MTHFD1L: variants seen among roughly 807,000 people sequenced by gnomAD.
MTHFD1L encodes monofunctional C1-tetrahydrofolate synthase, mitochondrial.
In MTHFD1L, 81 loss-of-function variants were observed where a neutral mutation model predicts 119.5. The observed-to-expected ratio is 0.68, with a 90% CI of 0.57 to 0.82. The LOEUF (loss-of-function observed/expected upper bound fraction) is 0.82. MTHFD1L is among the 40% of genes least tolerant of loss of function. MTHFD1L has a pLI of 0.00. For missense variants in MTHFD1L, 1,125 were observed against 1,253.4 expected, an observed-to-expected ratio of 0.90 and a Z score of 1.55; for synonymous variants, 430 against 475.2, an observed-to-expected ratio of 0.90 and a Z score of 1.24.
chr6:151,062,614 A>G lies in MTHFD1L; in HGVS notation c.2847+25497A>G, dbSNP rs574236033. Among the ~76,000 whole-genome samples the G allele has an allele frequency of 1.1e-4, 16 of 152,256 alleles. No homozygotes were observed. The East Asian group carries it at 3.1e-3, about 29-fold the overall frequency. ...TGAAGAACACATCTTATATATTAGG[A>G]CTGTGTTGGGGGCAGGAGTAGGCAG... On this transcript the variant is annotated intron_variant, in intron 26 of 27. Transcript: ENST00000367321.
chr6:150,910,555 CAAA>C (rs60500917), intron 8 of MTHFD1L, among the ~76,000 whole-genome samples: 6 of 83,448 alleles, frequency 7.2e-5, no homozygotes, highest in Admixed American at 2.8e-4. Flanking sequence ...AACTCCATCT[CAAA>C]AAAAAAAAAA....
intron 26 of MTHFD1L, among the ~76,000 whole-genome samples, chr6:151,057,543 C>T (rs1406688182): frequency 6.6e-6 from 1 of 151,866 alleles, no homozygotes; most frequent in Non-Finnish European, 1.5e-5. Context: ...GGGGTGGGAC[C>T]ATCGCTTGGG....
intron 24 of MTHFD1L, among the ~76,000 whole-genome samples, chr6:151,028,038 G>A (rs1784822850): frequency 6.6e-6 from 1 of 152,150 alleles, no homozygotes. Context: ...CATCAGAAGT[G>A]CTGAGTGCTG....
intron 26 of MTHFD1L, among the ~76,000 whole-genome samples, chr6:151,070,400 C>T (rs1431428807): frequency 6.6e-6 from 1 of 152,234 alleles, no homozygotes; most frequent in African/African-American, 2.4e-5. Flanking sequence ...CAACCAGCTT[C>T]TCTCTTTCAG....
intron 24 of MTHFD1L, among the ~76,000 whole-genome samples, chr6:151,033,831 T>G (rs1785703587): frequency 6.6e-6 from 1 of 152,188 alleles, no homozygotes; most frequent in Non-Finnish European, 1.5e-5. Context: ...AAACCAGCAC[T>G]CACAATTTCG....
intron 20 of MTHFD1L, among the ~76,000 whole-genome samples, chr6:151,001,777 C>G (rs1207492423): frequency 6.6e-6 from 1 of 152,180 alleles, no homozygotes. Flanking sequence ...AGCATCCTCT[C>G]TCTGAAGTGT....
At chr6:150,963,792 G>T (rs1796800575) in intron 18 of MTHFD1L, among the ~76,000 whole-genome samples, 1 of 152,210 alleles carries the variant, frequency 6.6e-6, no homozygotes, top group Non-Finnish European at 1.5e-5. Context: ...ATTTGCTTAT[G>T]TTATAGCCTT....
At chr6:150,866,653 G>C (rs1372683330) in intron 1 of MTHFD1L, 2 of 1,197,508 alleles carry the variant, frequency 1.7e-6, no homozygotes, top group African/African-American at 1.6e-5. Context: ...CGGGCCCCCG[G>C]GACAGCCGCC....
rs539458074 is a variant in MTHFD1L at position 150,948,466 on chromosome 6, C to T, written c.1624-565C>T. ...TCCCAAGTAGCTGGGATTACAGGTG[C>T]TCTCCACCATACCTGGCTAATTTTT... On this transcript the variant is annotated intron_variant, in intron 15 of 27. Coordinates refer to ENST00000367321, the MANE Select transcript of MTHFD1L (RefSeq NM_015440.5). Among the ~76,000 whole-genome samples, 285 of 150,436 alleles carry T rather than the reference C, an allele frequency of 1.9e-3. 1 individual carries two copies. The highest frequency in any genetic ancestry group is 6.6e-3 in the African/African-American group (270 of 40,806).
intron 20 of MTHFD1L, among the ~76,000 whole-genome samples, chr6:150,989,338 T>C (rs781229223): frequency 6.6e-6 from 1 of 152,180 alleles, no homozygotes; most frequent in Non-Finnish European, 1.5e-5. Flanking sequence ...AGTGTAACCC[T>C]GAAGACGCAT....
At chr6:151,086,018 C>T (rs369187881) in intron 26 of MTHFD1L, among the ~76,000 whole-genome samples, 14 of 152,206 alleles carry the variant, frequency 9.2e-5, no homozygotes, top group South Asian at 4.1e-4. Context: ...TTCACCGTTT[C>T]GGTCCTTTGG....
chr6:151,057,214 T>C, intron 26 of MTHFD1L: 1 of 985,128 alleles, frequency 1.0e-6, no homozygotes, highest in Non-Finnish European at 1.2e-6. Context: ...TTTCTGTCAA[T>C]CTAATTTTTA....
chr6:150,990,234 G>A (rs973101709), intron 20 of MTHFD1L, among the ~76,000 whole-genome samples: 2 of 151,058 alleles, frequency 1.3e-5, no homozygotes, highest in African/African-American at 4.9e-5. Context: ...AGCCTAGATT[G>A]TACCACTGCA....
In MTHFD1L at chr6:150,965,518, G is replaced by A. The variant is rs139338586; in HGVS notation, c.2013+481G>A. 2.0e-3 allele frequency among the ~76,000 whole-genome samples: 299 copies of A among 152,130 alleles called. 1 individual carries two copies. The highest frequency in any genetic ancestry group is 6.4e-3 in the African/African-American group (267 of 41,520). On this transcript the variant is annotated intron_variant, in intron 19 of 27. Coordinates refer to ENST00000367321, the MANE Select transcript of MTHFD1L (RefSeq NM_015440.5). The stretch of plus-strand genomic sequence containing the variant: ...TACTAAAAATACAAAAAAATTAGCC[G>A]GGCATTGTGGCACACACCTGTAGTC...
chr6:150,946,135 GT>G (rs1793904113), intron 15 of MTHFD1L, among the ~76,000 whole-genome samples: 1 of 152,088 alleles, frequency 6.6e-6, no homozygotes, highest in South Asian at 2.1e-4. Flanking sequence ...TATCTCATTT[GT>G]GGTTTTCTGT....
chr6:150,985,518 G>A (rs755791155), intron 20 of MTHFD1L, among the ~76,000 whole-genome samples: 5 of 151,786 alleles, frequency 3.3e-5, no homozygotes, highest in African/African-American at 4.8e-5. Context: ...AAAATTAGCC[G>A]GGCTTGGTAG....
chr6:150,890,502 C>T (rs1783068021), intron 7 of MTHFD1L, among the ~76,000 whole-genome samples: 1 of 152,142 alleles, frequency 6.6e-6, no homozygotes, highest in South Asian at 2.1e-4. Flanking sequence ...GTATCCCTCC[C>T]TGAGCATCTT....
chr6:150,955,995 T>G lies in MTHFD1L; in HGVS notation c.1727T>G (p.Val576Gly), dbSNP rs748644198. ...IDPSTITWQR[V>G]LDTNDRFLRK... ...GAATGACTAATCTGTTCTCTTTCAG[T>G]ATTGGATACAAATGACCGATTTCTA... The change falls in exon 17 of 28, where the codon GTA (valine) becomes GGA (glycine). Residue 576 changes from valine to glycine, a missense_variant and splice_region_variant. Val to Gly is a moderately radical substitution (Grantham distance 109, BLOSUM62 -3). Transcript: ENST00000367321. The G allele has an allele frequency of 5.0e-6, 8 of 1,612,874 alleles. No homozygotes were observed. The highest frequency in any genetic ancestry group is 5.9e-6 in the Non-Finnish European group (7 of 1,178,848).
At chr6:150,923,738 A>C (rs1789471945) in intron 10 of MTHFD1L, among the ~76,000 whole-genome samples, 1 of 151,434 alleles carries the variant, frequency 6.6e-6, no homozygotes, top group African/African-American at 2.4e-5. Flanking sequence ...CAGTCAGATG[A>C]ACACCCTGGT....
Sources: allele counts gnomAD v4.1 joint callset (sites outside exome capture counted in the v4.1 genomes callset), GRCh38; gene constraint gnomAD v4.1.1; transcripts MANE v1.5; gene names NCBI Gene and HGNC (gene_info 2026-07-23, HGNC 2026-07-21).